TMEM131L: variants seen among roughly 807,000 people sequenced by gnomAD.
TMEM131L encodes transmembrane protein 131-like.
A neutral mutation model predicts 192.2 loss-of-function variants in TMEM131L; 54 were observed. That is an observed-to-expected ratio of 0.28 (90% CI 0.23 to 0.35). The LOEUF is 0.35. Among genes scored for constraint, TMEM131L ranks in the 10% least tolerant of loss-of-function variants. TMEM131L has a pLI of 1.00. For missense variants in TMEM131L, 1,888 were observed against 1,972.9 expected, an observed-to-expected ratio of 0.96 and a Z score of 0.82; for synonymous variants, 701 against 704.9, an observed-to-expected ratio of 0.99 and a Z score of 0.09.
chr4:153,569,787 C>T (rs1317972216), intron 7 of TMEM131L, among the ~76,000 whole-genome samples: 2 of 152,196 alleles, frequency 1.3e-5, no homozygotes, highest in Non-Finnish European at 2.9e-5. Flanking sequence ...TAGAACTAGT[C>T]TCTGGCACAT....
intron 25 of TMEM131L, among the ~76,000 whole-genome samples, chr4:153,607,976 G>T (rs747898151): frequency 5.4e-4 from 82 of 152,222 alleles, no homozygotes; most frequent in Non-Finnish European, 9.9e-4. Flanking sequence ...AGCCAGGCAT[G>T]GTGGTACATG....
intron 3 of TMEM131L, among the ~76,000 whole-genome samples, chr4:153,496,860 CT>C (rs894577578): frequency 1.2e-3 from 174 of 142,224 alleles, no homozygotes; most frequent in East Asian, 2.1e-3. Flanking sequence ...CCTATGAAGA[CT>C]TTTTTTTTTT....
intron 3 of TMEM131L, among the ~76,000 whole-genome samples, chr4:153,525,203 A>G (rs1735385968): frequency 6.6e-6 from 1 of 152,222 alleles, no homozygotes; most frequent in African/African-American, 2.4e-5. Flanking sequence ...TCAGGCATAT[A>G]TTGGAAAGTT....
chr4:153,586,937 G>A (rs181545214), intron 14 of TMEM131L, among the ~76,000 whole-genome samples: 362 of 151,956 alleles, frequency 2.4e-3, no homozygotes, highest in Non-Finnish European at 3.1e-3. Flanking sequence ...CTTTTCATTT[G>A]GTTATTATTT....
chr4:153,501,347 C>T (rs575738502), intron 3 of TMEM131L, among the ~76,000 whole-genome samples: 16 of 151,996 alleles, frequency 1.1e-4, no homozygotes, highest in African/African-American at 3.6e-4. Context: ...ACTACAGGCG[C>T]GTGCCACCAC....
At chr4:153,515,187 A>AT (rs1734647620) in intron 3 of TMEM131L, among the ~76,000 whole-genome samples, 1 of 152,206 alleles carries the variant, frequency 6.6e-6, no homozygotes, top group African/African-American at 2.4e-5. Context: ...CTGCTATCGA[A>AT]TTTCAGAAAT....
intron 3 of TMEM131L, among the ~76,000 whole-genome samples, chr4:153,487,691 G>GGA (rs1469252761): frequency 8.5e-6 from 1 of 117,984 alleles, no homozygotes; most frequent in East Asian, 2.8e-4. Flanking sequence ...GAGCTGCACA[G>GGA]GCGTGTGTGT....
chr4:153,471,725 A>G (rs1242267121), intron 2 of TMEM131L, among the ~76,000 whole-genome samples: 3 of 152,184 alleles, frequency 2.0e-5, no homozygotes, highest in Non-Finnish European at 4.4e-5. Flanking sequence ...CTGATACAGA[A>G]TCATGTTGGT....
chr4:153,594,177 T>G (rs1731266849), intron 19 of TMEM131L, among the ~76,000 whole-genome samples: 1 of 152,192 alleles, frequency 6.6e-6, no homozygotes. Context: ...ATAATTCTCT[T>G]AAGATTCCTT....
chr4:153,515,072 G>A (rs1441234052), intron 3 of TMEM131L, among the ~76,000 whole-genome samples: 4 of 152,136 alleles, frequency 2.6e-5, no homozygotes, highest in Non-Finnish European at 4.4e-5. Context: ...TCGGCCTCCC[G>A]AAGTGCTGGG....
Position 153,584,862 on chromosome 4 carries a change from T to C in TMEM131L, c.1088T>C (p.Ile363Thr), listed in dbSNP as rs775604373. The change falls in exon 12 of 35, where the codon ATA becomes ACA. Residue 363 changes from isoleucine to threonine, a missense_variant. Ile to Thr is a moderately conservative substitution (Grantham distance 89). Transcript: ENST00000409959. The stretch of plus-strand genomic sequence containing the variant: ...GCTACATCATGTGACAGTGGAATTA[T>C]AGAAGATGTGAAGAAAACAACACAC... ...KAATSCDSGI[I>T]EDVKKTTHTP... The C allele has an allele frequency of 5.0e-6, 8 of 1,613,944 alleles. No individual in the cohort carries two copies. Among genetic ancestry groups the C allele is most frequent in the South Asian group, 1.1e-5 (1 of 91,084 alleles).
At chr4:153,630,966 C>G (rs1378282957) in intron 31 of TMEM131L, among the ~76,000 whole-genome samples, 1 of 152,232 alleles carries the variant, frequency 6.6e-6, no homozygotes, top group East Asian at 1.9e-4. Context: ...TGTCTTCAAT[C>G]TGCCCATCTG....
chr4:153,482,587 A>G (rs961221759), intron 3 of TMEM131L, among the ~76,000 whole-genome samples: 3 of 152,080 alleles, frequency 2.0e-5, no homozygotes, highest in African/African-American at 7.2e-5. Context: ...AGTTCCTAAA[A>G]ACTTTTATTT....
chr4:153,559,194 G>A (rs1728690686), intron 7 of TMEM131L, among the ~76,000 whole-genome samples: 1 of 152,018 alleles, frequency 6.6e-6, no homozygotes, highest in Non-Finnish European at 1.5e-5. Flanking sequence ...TTCCAGTTGG[G>A]GAGAAGAACC....
chr4:153,585,394 T>TC, intron 12 of TMEM131L, 64 bp from the exon 13 acceptor site: 1 of 1,506,230 alleles, frequency 6.6e-7, no homozygotes, highest in Non-Finnish European at 9.1e-7. Flanking sequence ...AATTAGAGGC[T>TC]CATAAGAGGG....
intron 3 of TMEM131L, among the ~76,000 whole-genome samples, chr4:153,501,080 G>A (rs2149990771): frequency 6.6e-6 from 1 of 152,240 alleles, no homozygotes; most frequent in Middle Eastern, 3.4e-3. Flanking sequence ...ACCCTGCACA[G>A]TGGATTTAGA....
intron 31 of TMEM131L, 41 bp downstream of exon 31, chr4:153,627,728 T>C (rs778464333): frequency 1.3e-6 from 2 of 1,500,448 alleles, no homozygotes; most frequent in Non-Finnish European, 1.9e-6. Flanking sequence ...AGCCAAGGGT[T>C]CTGTGCTGTC....
chr4:153,622,579 G>C (rs559784569), intron 28 of TMEM131L, among the ~76,000 whole-genome samples: 1 of 152,284 alleles, frequency 6.6e-6, no homozygotes, highest in African/African-American at 2.4e-5. Context: ...TGAATCTCTG[G>C]TGCAATAGAG....
At chr4:153,491,889 T>G (rs189975572) in intron 3 of TMEM131L, among the ~76,000 whole-genome samples, 226 of 152,234 alleles carry the variant, frequency 1.5e-3, no homozygotes, top group African/African-American at 5.1e-3. Flanking sequence ...AAATATTTTT[T>G]GTAGAGACAA....
Sources: gnomAD v4.1 joint callset for allele counts (sites outside exome capture counted in the v4.1 genomes callset) on GRCh38, gnomAD v4.1.1 for gene constraint, MANE v1.5 for transcripts, NCBI Gene and HGNC (gene_info 2026-07-23, HGNC 2026-07-21) for gene names.